AFF3: variants seen among roughly 807,000 people sequenced by gnomAD.
AFF3 encodes the protein ALF transcription elongation factor 3, also known as AF4/FMR2 family member 3.
Under a neutral mutation model 129.7 loss-of-function variants are expected in AFF3, and 32 were observed. The ratio of observed to expected loss-of-function variants is 0.25; its 90% CI spans 0.19 to 0.33. The LOEUF is 0.33. AFF3 is among the 10% of genes least tolerant of loss of function. AFF3 has a pLI of 1.00. For synonymous variants in AFF3, 644 were observed against 635.4 expected (o/e 1.01, Z -0.20); for missense variants, 1,373 against 1,592.0 (o/e 0.86, Z 2.34).
At chr2:99,704,842 G>T (rs2104813159) in intron 11 of AFF3, among the ~76,000 whole-genome samples, 1 of 152,268 alleles carries the variant, frequency 6.6e-6, no homozygotes, top group African/African-American at 2.4e-5. Flanking sequence ...ATTCATTAGG[G>T]CTCAGACCTC....
chr2:99,785,463 G>T (rs1458214640), intron 8 of AFF3, among the ~76,000 whole-genome samples: 4 of 152,174 alleles, frequency 2.6e-5, no homozygotes, highest in African/African-American at 9.7e-5. Context: ...GAGACAGGAA[G>T]ATTAGCTTAG....
Position 100,065,402 on chromosome 2 carries a change from G to A in AFF3, c.53+39000C>T, listed in dbSNP as rs547486130. The stretch of plus-strand genomic sequence containing the variant: ...ATCAAATTCAGTTCTTCTTACGCAT[G>A]CATTTAAACAGAAACACAAGTACGA... On this transcript the variant is annotated intron_variant, in intron 4 of 24. Transcript: ENST00000672756. Among the ~76,000 whole-genome samples, 7 of 152,228 alleles carry A rather than the reference G, an allele frequency of 4.6e-5. No individual in the cohort carries two copies. The South Asian group carries it at 1.5e-3, about 32-fold the overall frequency.
intron 8 of AFF3, among the ~76,000 whole-genome samples, chr2:99,796,540 T>C (rs1444823786): frequency 6.6e-6 from 1 of 152,168 alleles, no homozygotes; most frequent in East Asian, 1.9e-4. Flanking sequence ...TAAGAACTTC[T>C]GGGCTATAGC....
rs750520540 is a variant in AFF3, at chr2:99,582,912, G to A, written c.2679C>T (p.Ser893=). The A allele has an allele frequency of 3.3e-5, 53 of 1,614,094 alleles. No individual in the cohort carries two copies. In the Middle Eastern group the frequency reaches 4.1e-3, roughly 126 times the overall value. Residue 893 remains serine, a synonymous_variant, in exon 17 of 25, where the codon AGC becomes AGT. Transcript: ENST00000672756. Reference sequence around the variant, plus strand: ...GTCGGCTGGAAGAAGTTAAGTCCTCGCTGGTGTATTTGTGTTTAGATGCAT... The same window carrying A: ...GTCGGCTGGAAGAAGTTAAGTCCTCACTGGTGTATTTGTGTTTAGATGCAT... The part of the protein sequence containing the change: ...LSDASKHKYT[S]EDLTSSSRPN...
At chr2:99,859,573 C>T (rs1029069213) in intron 7 of AFF3, among the ~76,000 whole-genome samples, 1 of 152,216 alleles carries the variant, frequency 6.6e-6, no homozygotes, top group Non-Finnish European at 1.5e-5. Context: ...TGATTATCCA[C>T]CATCATCTAG....
At chr2:99,982,645 T>C (rs2104518192) in intron 7 of AFF3, among the ~76,000 whole-genome samples, 1 of 152,300 alleles carries the variant, frequency 6.6e-6, no homozygotes, top group South Asian at 2.1e-4. Flanking sequence ...ACTGGAAACA[T>C]TCCTTATGAC....
intron 8 of AFF3, among the ~76,000 whole-genome samples, chr2:99,832,411 C>A (rs1000559242): frequency 1.3e-5 from 2 of 152,200 alleles, no homozygotes; most frequent in Non-Finnish European, 2.9e-5. Context: ...GGTCTCTTGT[C>A]CCACCTCTGC....
rs1192421202 is a variant in AFF3 at position 99,547,682 on chromosome 2, CTCATACTCAATA to C, written c.*3780_*3791del. ...CCAAGTTGATGCGAACACGCAGTGA[CTCATACTCAATA>C]TTAGGCACTAGTAATATCCTTCAGG... On this transcript the variant is annotated 3_prime_UTR_variant, in exon 25 of 25. Coordinates refer to ENST00000672756, the MANE Select transcript of AFF3 (RefSeq NM_001386135.1). 28 of 210,818 alleles carry C rather than the reference CTCATACTCAATA, an allele frequency of 1.3e-4. No homozygotes were observed. The highest frequency in any genetic ancestry group is 5.7e-4 in the African/African-American group (25 of 44,238). The allele number at this position is 210,818 out of a possible 1,614,324, so 13.1% of individuals were successfully genotyped here.
chr2:99,857,488 G>A (rs1193338108), intron 7 of AFF3, among the ~76,000 whole-genome samples: 1 of 152,098 alleles, frequency 6.6e-6, no homozygotes, highest in East Asian at 1.9e-4. Flanking sequence ...TTTGCTTTAC[G>A]TCCAAGAACT....
chr2:100,130,655 AGT>A (rs1692393201), intron 1 of AFF3, among the ~76,000 whole-genome samples: 1 of 152,144 alleles, frequency 6.6e-6, no homozygotes, highest in Non-Finnish European at 1.5e-5. Flanking sequence ...GAAGCTTCGG[AGT>A]ATGGAGTTTC....
At chr2:99,712,076 C>T (rs370449050) in intron 11 of AFF3, among the ~76,000 whole-genome samples, 1 of 152,172 alleles carries the variant, frequency 6.6e-6, no homozygotes, top group South Asian at 2.1e-4. Context: ...TAAACCATTG[C>T]TTATGTGGTC....
intron 4 of AFF3, among the ~76,000 whole-genome samples, chr2:100,040,818 G>C (rs1019317437): frequency 3.3e-5 from 5 of 152,260 alleles, no homozygotes; most frequent in African/African-American, 9.6e-5. Flanking sequence ...TGAGCAGCAA[G>C]AGGACAGATC....
chr2:99,943,751 A>C (rs890863583), intron 7 of AFF3, among the ~76,000 whole-genome samples: 3 of 152,086 alleles, frequency 2.0e-5, no homozygotes, highest in Admixed American at 2.0e-4. Flanking sequence ...GTTTTCTATT[A>C]AGCCTCCACT....
intron 5 of AFF3, chr2:100,007,696 C>T (rs55649403): frequency 0.15 from 75,442 of 519,270 alleles, 6,377 homozygotes; most frequent in African/African-American, 0.2. Context: ...TCCGGCCGGG[C>T]GCGGTGGCTG....
At chr2:99,654,831 A>T (rs1385783951) in intron 12 of AFF3, among the ~76,000 whole-genome samples, 1 of 152,198 alleles carries the variant, frequency 6.6e-6, no homozygotes, top group Non-Finnish European at 1.5e-5. Flanking sequence ...TCTTTATTAT[A>T]GCAAGCTTGT....
At chr2:100,001,452 G>A (rs551151789) in intron 7 of AFF3, among the ~76,000 whole-genome samples, 7 of 152,132 alleles carry the variant, frequency 4.6e-5, no homozygotes, top group African/African-American at 7.2e-5. Flanking sequence ...TTTTTGAGAC[G>A]GAGTCTCACT....
intron 12 of AFF3, among the ~76,000 whole-genome samples, chr2:99,651,523 C>A (rs1051657778): frequency 1.3e-5 from 2 of 151,916 alleles, no homozygotes; most frequent in Admixed American, 6.6e-5. Flanking sequence ...CTCACTGCAA[C>A]CTCTGCCTCC....
intron 10 of AFF3, among the ~76,000 whole-genome samples, chr2:99,741,156 C>T (rs1396721225): frequency 6.6e-6 from 1 of 152,134 alleles, no homozygotes; most frequent in African/African-American, 2.4e-5. Flanking sequence ...TGAAAACTGG[C>T]ACAAGACAGG....
At chr2:99,835,766 C>T (rs1688826349) in intron 8 of AFF3, among the ~76,000 whole-genome samples, 1 of 152,190 alleles carries the variant, frequency 6.6e-6, no homozygotes, top group African/African-American at 2.4e-5. Context: ...CTCGCACACA[C>T]ATGCAGACTT....
Sources: gnomAD v4.1 joint callset for allele counts (sites outside exome capture counted in the v4.1 genomes callset) on GRCh38, gnomAD v4.1.1 for gene constraint, MANE v1.5 for transcripts, NCBI Gene and HGNC (gene_info 2026-07-23, HGNC 2026-07-21) for gene names.